Variants in CEP135 observed in about 807,000 individuals in gnomAD.
The protein encoded by CEP135 is centrosomal protein 135.
CEP135 carries 142 observed loss-of-function variants against 157.3 expected under a neutral mutation model. That is an observed-to-expected ratio of 0.90 (90% CI 0.79 to 1.04). CEP135 has a LOEUF of 1.04. CEP135 is among the 50% of genes least tolerant of loss of function. The probability of loss-of-function intolerance (pLI) is 0.00; values close to 1 mark genes in which losing one functional copy is unlikely to be tolerated. For missense variants in CEP135, 1,317 were observed against 1,309.2 expected (o/e 1.01, Z -0.09); for synonymous variants, 396 against 439.8 (o/e 0.90, Z 1.25).
rs1488383451 is a variant in CEP135, at chr4:55,969,147, G to A, written c.1110+19G>A. On this transcript the variant is annotated intron_variant, in intron 9 of 25. Coordinates refer to ENST00000257287, the MANE Select transcript of CEP135 (RefSeq NM_025009.5). ...TCAGCTGGTAAGTTGATGTCATGTTGAATTGCCAGCATTTTCAGTAAGAAA... is the reference window on the plus strand; with the variant it reads ...TCAGCTGGTAAGTTGATGTCATGTTAAATTGCCAGCATTTTCAGTAAGAAA... 11 of 1,607,076 alleles carry A rather than the reference G, an allele frequency of 6.8e-6. No individual in the cohort carries two copies. The highest frequency in any genetic ancestry group is 1.3e-5 in the African/African-American group (1 of 74,468).
At chr4:55,971,242 A>C in intron 9 of CEP135, 28 bp from the exon 10 acceptor site, 1 of 1,515,164 alleles carries the variant, frequency 6.6e-7, no homozygotes, top group Non-Finnish European at 8.9e-7. Context: ...GTTGTTAGAA[A>C]TCTTAATTAT....
At position 55,973,612 on chromosome 4, in the gene CEP135, A is replaced by G. The variant is rs188081623; in HGVS notation, c.1250-1134A>G. ...CTTACAAATTAATGATCTCCTCTCCATAGTTTTAATCTTTGTACTGTTTTT... is the reference window on the plus strand; with the variant it reads ...CTTACAAATTAATGATCTCCTCTCCGTAGTTTTAATCTTTGTACTGTTTTT... On this transcript the variant is annotated intron_variant, in intron 10 of 25. Coordinates refer to ENST00000257287, the MANE Select transcript of CEP135 (RefSeq NM_025009.5). Among the ~76,000 whole-genome samples, 666 of 152,308 alleles carry G rather than the reference A, an allele frequency of 4.4e-3. 4 individuals carry two copies. Among genetic ancestry groups the G allele is most frequent in the Non-Finnish European group, 6.8e-3 (460 of 68,034 alleles).
intron 17 of CEP135, among the ~76,000 whole-genome samples, chr4:56,000,439 T>C (rs1298860444): frequency 6.6e-6 from 1 of 152,186 alleles, no homozygotes; most frequent in Admixed American, 6.5e-5. Flanking sequence ...CCAGGTCTTA[T>C]TTCTTCTAAG....
chr4:55,995,938 C>T lies in CEP135; in HGVS notation c.2010-3364C>T, dbSNP rs554752318. Among the ~76,000 whole-genome samples, 4 of 152,214 alleles carry T rather than the reference C, an allele frequency of 2.6e-5. No individual in the cohort carries two copies. The South Asian group carries it at 8.3e-4, about 32-fold the overall frequency. ...AGTCTTTATCTGTGTATGTTCAAAA[C>T]CAGAGGGTATACTCTTATCTAGGAT... On this transcript the variant is annotated intron_variant, in intron 15 of 25. Coordinates refer to ENST00000257287, the MANE Select transcript of CEP135 (RefSeq NM_025009.5).
At chr4:55,960,925 CAAA>C (rs60103294) in intron 6 of CEP135, 6 of 38,588 alleles carry the variant, frequency 1.6e-4, no homozygotes, top group African/African-American at 2.1e-4. Flanking sequence ...GACTCCGTCT[CAAA>C]AAAAAAAAAA....
intron 1 of CEP135, among the ~76,000 whole-genome samples, chr4:55,949,370 A>G (rs1032025106): frequency 1.3e-5 from 2 of 152,196 alleles, no homozygotes; most frequent in African/African-American, 2.4e-5. Context: ...CTGTTGACCA[A>G]TGGATAGATT....
rs1006152141 is a variant in CEP135, at chr4:56,016,666, A to G, written c.2803-982A>G. Among the ~76,000 whole-genome samples the G allele has an allele frequency of 7.2e-5, 11 of 152,190 alleles. No individual in the cohort carries two copies. In the East Asian group the frequency reaches 7.7e-4, roughly 11 times the overall value. The stretch of plus-strand genomic sequence containing the variant: ...TTCACAGCACAATATTAGATTTTCA[A>G]TGTGGATTTGTGGAGTTTTTTTTTT... On this transcript the variant is annotated intron_variant, in intron 21 of 25. Transcript: ENST00000257287.
chr4:56,002,824 C>T (rs1016166903), intron 17 of CEP135, among the ~76,000 whole-genome samples: 22 of 152,080 alleles, frequency 1.4e-4, no homozygotes, highest in Admixed American at 8.5e-4. Flanking sequence ...TTTAGATGTT[C>T]AGTAGAGTTC....
Position 55,980,157 on chromosome 4 carries a change from A to C in CEP135, c.1488A>C (p.Ser496=). Residue 496 remains serine, a synonymous_variant, in exon 12 of 26, where the codon TCA becomes TCC. Coordinates refer to ENST00000257287, the MANE Select transcript of CEP135 (RefSeq NM_025009.5). ...FRTPEKGDYN[S]EIHQITRERD... ...TTATGTTTCAGGGTGATTACAATTC[A>C]GAAATTCATCAGATCACAAGAGAAA... The C allele has an allele frequency of 6.2e-7, 1 of 1,609,018 alleles. No individual in the cohort carries two copies. The highest frequency in any genetic ancestry group is 8.5e-7 in the Non-Finnish European group (1 of 1,177,934).
At chr4:55,964,816 TA>T (rs1456517448) in intron 7 of CEP135, 2 of 151,368 alleles carry the variant, frequency 1.3e-5, no homozygotes, top group Admixed American at 1.3e-4. Flanking sequence ...TTAAAATTTT[TA>T]TGAGTATATA....
At chr4:56,000,921 C>A (rs62308613) in intron 17 of CEP135, among the ~76,000 whole-genome samples, 12,060 of 152,104 alleles carry the variant, frequency 0.079, 637 homozygotes, top group Middle Eastern at 0.13. Flanking sequence ...ATCGGTTATT[C>A]CCCATCTTTT....
At position 55,974,853 on chromosome 4, in the gene CEP135, G is replaced by A. The variant is rs1560405262; in HGVS notation, c.1357G>A (p.Glu453Lys). Residue 453 changes from glutamate to lysine, a missense_variant, in exon 11 of 26, where the codon GAA becomes AAA. Glu to Lys is a moderately conservative substitution (Grantham distance 56). Coordinates refer to ENST00000257287, the MANE Select transcript of CEP135 (RefSeq NM_025009.5). ...LDTFLKGIEEERDYYKKELER... is the reference protein window; with the variant it reads ...LDTFLKGIEEKRDYYKKELER... Reference sequence around the variant, plus strand: ...TACATTTCTGAAAGGTATAGAAGAAGAACGAGATTATTATAAGAAAGAGCT... The same window carrying A: ...TACATTTCTGAAAGGTATAGAAGAAAAACGAGATTATTATAAGAAAGAGCT... 2.5e-6 allele frequency: 4 copies of A among 1,613,790 alleles called. No individual in the cohort carries two copies. The highest frequency in any genetic ancestry group is 2.5e-6 in the Non-Finnish European group (3 of 1,179,844).
intron 11 of CEP135, among the ~76,000 whole-genome samples, chr4:55,978,581 C>T (rs1396751667): frequency 1.3e-5 from 2 of 152,184 alleles, no homozygotes; most frequent in Non-Finnish European, 2.9e-5. Flanking sequence ...GAGAAAGTCT[C>T]ACTCTGTCCC....
intron 15 of CEP135, among the ~76,000 whole-genome samples, chr4:55,998,170 TCA>T (rs1286448114): frequency 6.6e-6 from 1 of 152,194 alleles, no homozygotes; most frequent in Non-Finnish European, 1.5e-5. Flanking sequence ...TAAGCTACCC[TCA>T]GTATCTTTTT....
Position 56,024,506 on chromosome 4 carries a change from G to T in CEP135, c.3326G>T (p.Arg1109Leu), listed in dbSNP as rs368917402. 1 of 1,612,634 alleles carries T rather than the reference G, an allele frequency of 6.2e-7. No homozygotes were observed. The highest frequency in any genetic ancestry group is 8.5e-7 in the Non-Finnish European group (1 of 1,178,934). ...TGTTTGATCTTTACTAACAGAGAACGAGCAATCCAAGAGATGCGTCGACAT... is the reference window on the plus strand; with the variant it reads ...TGTTTGATCTTTACTAACAGAGAACTAGCAATCCAAGAGATGCGTCGACAT... ...QISTERYERE[R>L]AIQEMRRHGL... Residue 1109 changes from arginine (R) to leucine (L), a missense_variant, in exon 25 of 26, where the codon CGA becomes CTA. Physicochemically the swap from Arg to Leu is moderately radical, Grantham distance 102 (BLOSUM62 -2). Transcript: ENST00000257287.
At chr4:55,976,587 C>T (rs1488112367) in intron 11 of CEP135, among the ~76,000 whole-genome samples, 1 of 152,172 alleles carries the variant, frequency 6.6e-6, no homozygotes, top group Non-Finnish European at 1.5e-5. Flanking sequence ...TCCCCTTCAA[C>T]TTATTTACAT....
intron 13 of CEP135, among the ~76,000 whole-genome samples, chr4:55,983,675 A>G (rs1384861937): frequency 6.6e-6 from 1 of 151,626 alleles, no homozygotes; most frequent in Non-Finnish European, 1.5e-5. Flanking sequence ...GCTCACTGCA[A>G]CCTCCGCCTC....
chr4:55,969,426 TTTAAAAAAAAAAAAAAA>T (rs1173977512), intron 9 of CEP135, among the ~76,000 whole-genome samples: 1 of 109,262 alleles, frequency 9.2e-6, no homozygotes, highest in Non-Finnish European at 1.8e-5. Context: ...AAACTCCATC[TTTAAAAAAAAAAAAAAA>T]AAAAAGAAAA....
At chr4:55,982,560 T>G (rs930619502) in intron 13 of CEP135, among the ~76,000 whole-genome samples, 11 of 152,212 alleles carry the variant, frequency 7.2e-5, no homozygotes, top group African/African-American at 2.7e-4. Flanking sequence ...ATTGGCCATT[T>G]TTATATCCTT....
Sources: allele counts gnomAD v4.1 joint callset (sites outside exome capture counted in the v4.1 genomes callset), GRCh38; gene constraint gnomAD v4.1.1; transcripts MANE v1.5; gene names NCBI Gene and HGNC (gene_info 2026-07-23, HGNC 2026-07-21).